SCHIP1: variants seen among roughly 807,000 people sequenced by gnomAD.
The protein encoded by SCHIP1 is schwannomin interacting protein 1.
In SCHIP1, 8 loss-of-function variants were observed where a neutral mutation model predicts 29.7. The ratio of observed to expected loss-of-function variants is 0.27; its 90% CI spans 0.16 to 0.49. The LOEUF is 0.49. SCHIP1 is among the 20% of genes least tolerant of loss of function. The probability of loss-of-function intolerance (pLI) is 0.99; values close to 1 mark genes in which losing one functional copy is unlikely to be tolerated. For synonymous variants in SCHIP1, 76 were observed against 94.9 expected, an observed-to-expected ratio of 0.80 and a Z score of 1.16; for missense variants, 193 against 294.6, an observed-to-expected ratio of 0.66 and a Z score of 2.52.
chr3:159,827,754 GA>G, the SCHIP1 span, among the ~76,000 whole-genome samples: 2 of 151,100 alleles, frequency 1.3e-5, no homozygotes, highest in Non-Finnish European at 2.9e-5. Flanking sequence ...GCAGTGAGCC[GA>G]GATTGCGCCA....
the SCHIP1 span, among the ~76,000 whole-genome samples, chr3:159,493,259 C>A: frequency 6.6e-6 from 1 of 152,068 alleles, no homozygotes; most frequent in East Asian, 1.9e-4. Context: ...CAATACTAAC[C>A]TTAAATTCAA....
chr3:159,813,578 C>T, the SCHIP1 span, among the ~76,000 whole-genome samples: 2 of 152,034 alleles, frequency 1.3e-5, no homozygotes, highest in Non-Finnish European at 2.9e-5. Context: ...GTCCCAGCTA[C>T]TCAGGAGGCT....
intron 1 of SCHIP1, among the ~76,000 whole-genome samples, chr3:159,846,673 GAC>G (rs1009914350): frequency 5.3e-5 from 8 of 152,102 alleles, no homozygotes; most frequent in African/African-American, 1.9e-4. Context: ...AGTTCAATGA[GAC>G]AATTTTCTGT....
chr3:159,538,178 A>G, the SCHIP1 span, among the ~76,000 whole-genome samples: 1 of 152,194 alleles, frequency 6.6e-6, no homozygotes, highest in Non-Finnish European at 1.5e-5. Flanking sequence ...AAAGTAATCT[A>G]AGCATTACCA....
the SCHIP1 span, among the ~76,000 whole-genome samples, chr3:159,801,338 A>G: frequency 7.9e-4 from 120 of 152,344 alleles, 1 homozygote; most frequent in African/African-American, 2.8e-3. Flanking sequence ...GTTCTAGAAC[A>G]TAAACATTTG....
chr3:159,423,629 G>GCACACAGACAA, the SCHIP1 span, among the ~76,000 whole-genome samples: 1 of 152,016 alleles, frequency 6.6e-6, no homozygotes, highest in Non-Finnish European at 1.5e-5. Flanking sequence ...TCTGGGGGCA[G>GCACACAGACAA]CGCACAGACA....
At chr3:159,596,815 G>A in the SCHIP1 span, among the ~76,000 whole-genome samples, 3 of 151,864 alleles carry the variant, frequency 2.0e-5, no homozygotes, top group Admixed American at 6.6e-5. Context: ...GGTGGAGGGG[G>A]GAGGGATAGC....
At chr3:159,307,518 A>G in the SCHIP1 span, among the ~76,000 whole-genome samples, 3 of 151,964 alleles carry the variant, frequency 2.0e-5, no homozygotes, top group African/African-American at 7.3e-5. Context: ...ACTGTGGCTT[A>G]ATTTAAATTT....
rs536530402 is a variant in SCHIP1 at position 159,871,846 on chromosome 3, T to G, written c.149+5565T>G. ...GTCTCAACCTCTTAAGACAATAAAT[T>G]TCCTGATTCTGCCAGGCCACAGGTG... On this transcript the variant is annotated intron_variant, in intron 2 of 6. Transcript: ENST00000445224. 2.1e-3 allele frequency among the ~76,000 whole-genome samples: 322 copies of G among 152,224 alleles called. 2 individuals carry two copies. The highest frequency in any genetic ancestry group is 7.3e-3 in the African/African-American group (302 of 41,538).
chr3:159,578,127 G>A, the SCHIP1 span, among the ~76,000 whole-genome samples: 15 of 152,244 alleles, frequency 9.9e-5, no homozygotes, highest in South Asian at 6.2e-4. Flanking sequence ...CAATGTTGCT[G>A]TTGATGAACC....
At chr3:159,548,550 A>G in the SCHIP1 span, among the ~76,000 whole-genome samples, 1 of 151,904 alleles carries the variant, frequency 6.6e-6, no homozygotes, top group South Asian at 2.1e-4. Context: ...TATATATCTT[A>G]ACCTTTTGAT....
intron 1 of SCHIP1, among the ~76,000 whole-genome samples, chr3:159,843,173 C>T (rs113907811): frequency 2.6e-5 from 4 of 151,392 alleles, no homozygotes; most frequent in African/African-American, 9.7e-5. Context: ...CCACCATGCC[C>T]AGCTAATTTT....
At chr3:159,749,954 G>A in the SCHIP1 span, among the ~76,000 whole-genome samples, 1 of 151,846 alleles carries the variant, frequency 6.6e-6, no homozygotes, top group Non-Finnish European at 1.5e-5. Flanking sequence ...TGATAATATT[G>A]GATATACAGT....
the SCHIP1 span, among the ~76,000 whole-genome samples, chr3:159,365,373 G>C: frequency 6.6e-6 from 1 of 152,086 alleles, no homozygotes; most frequent in African/African-American, 2.4e-5. Context: ...GAAATTGACT[G>C]TCAGGGGCAT....
At chr3:159,450,807 CTTTTTT>C in the SCHIP1 span, among the ~76,000 whole-genome samples, 1 of 123,062 alleles carries the variant, frequency 8.1e-6, no homozygotes, top group Admixed American at 8.5e-5. Flanking sequence ...ATTTAGTATT[CTTTTTT>C]TTTTTTTTTT....
chr3:159,653,216 G>A, the SCHIP1 span, among the ~76,000 whole-genome samples: 2 of 152,144 alleles, frequency 1.3e-5, no homozygotes, highest in African/African-American at 4.8e-5. Flanking sequence ...AATACCATTT[G>A]ACCCAGGAAT....
At chr3:159,450,990 A>T in the SCHIP1 span, among the ~76,000 whole-genome samples, 1 of 151,888 alleles carries the variant, frequency 6.6e-6, no homozygotes, top group African/African-American at 2.4e-5. Context: ...TTGTATTTTT[A>T]GTAGAGACAG....
At chr3:159,719,889 AC>A in the SCHIP1 span, among the ~76,000 whole-genome samples, 1 of 152,188 alleles carries the variant, frequency 6.6e-6, no homozygotes, top group African/African-American at 2.4e-5. Flanking sequence ...CTGGGTATAC[AC>A]CCAAAGAATT....
chr3:159,317,388 CATA>C, the SCHIP1 span, among the ~76,000 whole-genome samples: 1 of 152,170 alleles, frequency 6.6e-6, no homozygotes, highest in Non-Finnish European at 1.5e-5. Context: ...GCCAGCAGAA[CATA>C]ATGTCGTGGG....
Sources: gnomAD v4.1 joint callset for allele counts (sites outside exome capture counted in the v4.1 genomes callset) on GRCh38, gnomAD v4.1.1 for gene constraint, MANE v1.5 for transcripts, NCBI Gene and HGNC (gene_info 2026-07-23, HGNC 2026-07-21) for gene names.